SCHIP1: variants seen among roughly 807,000 people sequenced by gnomAD.
SCHIP1 encodes the protein schwannomin-interacting protein 1.
In SCHIP1, 8 loss-of-function variants were observed where a neutral mutation model predicts 29.7. That is an observed-to-expected ratio of 0.27 (90% CI 0.16 to 0.49). SCHIP1 has a LOEUF of 0.49. Among genes scored for constraint, SCHIP1 ranks in the 20% least tolerant of loss-of-function variants. The pLI, the probability that SCHIP1 is intolerant of heterozygous loss-of-function variation, is 0.99. For synonymous variants in SCHIP1, 76 were observed against 94.9 expected (o/e 0.80, Z 1.16); for missense variants, 193 against 294.6 (o/e 0.66, Z 2.52).
chr3:159,777,965 C>A, the SCHIP1 span, among the ~76,000 whole-genome samples: 1 of 151,990 alleles, frequency 6.6e-6, no homozygotes, highest in Non-Finnish European at 1.5e-5. Context: ...GGTTTATTCA[C>A]TTTTATTTAG....
chr3:159,591,766 C>CG, the SCHIP1 span, among the ~76,000 whole-genome samples: 1 of 151,332 alleles, frequency 6.6e-6, no homozygotes, highest in Non-Finnish European at 1.5e-5. Context: ...CAAGGCCTGT[C>CG]GGGGGGTTGG....
chr3:159,614,332 T>C, the SCHIP1 span, among the ~76,000 whole-genome samples: 2 of 152,238 alleles, frequency 1.3e-5, no homozygotes, highest in East Asian at 3.8e-4. Context: ...ATAATTTCTT[T>C]GGCAAAATTA....
the SCHIP1 span, among the ~76,000 whole-genome samples, chr3:159,636,984 A>G: frequency 5.3e-5 from 8 of 152,308 alleles, no homozygotes; most frequent in Non-Finnish European, 7.4e-5. Flanking sequence ...TCTCAGCTCA[A>G]TCTGAAACTG....
the SCHIP1 span, among the ~76,000 whole-genome samples, chr3:159,676,446 G>A: frequency 6.6e-6 from 1 of 152,154 alleles, no homozygotes; most frequent in Non-Finnish European, 1.5e-5. Flanking sequence ...ATGCTTTAGG[G>A]ATTCCCTGTT....
At chr3:159,570,091 G>T in the SCHIP1 span, among the ~76,000 whole-genome samples, 1 of 152,156 alleles carries the variant, frequency 6.6e-6, no homozygotes, top group Non-Finnish European at 1.5e-5. Flanking sequence ...CATTCTGTAG[G>T]TTGCCTCTTC....
exon 1 of SCHIP1, chr3:159,840,097 T>TCCGC: frequency 2.0e-6 from 3 of 1,527,482 alleles, no homozygotes; most frequent in Non-Finnish European, 2.6e-6. Flanking sequence ...GGGCGTTCTC[T>TCCGC]CCGCCCGCCG....
chr3:159,383,301 G>A, the SCHIP1 span, among the ~76,000 whole-genome samples: 1 of 151,674 alleles, frequency 6.6e-6, no homozygotes, highest in Non-Finnish European at 1.5e-5. Context: ...GTAAGGAAGG[G>A]ATCCAGTTTC....
chr3:159,457,650 A>G, the SCHIP1 span, among the ~76,000 whole-genome samples: 1 of 152,206 alleles, frequency 6.6e-6, no homozygotes, highest in East Asian at 1.9e-4. Context: ...AAAGAGAAAT[A>G]TATACAGTAG....
chr3:159,768,873 G>A, the SCHIP1 span, among the ~76,000 whole-genome samples: 2 of 151,976 alleles, frequency 1.3e-5, no homozygotes, highest in African/African-American at 4.8e-5. Flanking sequence ...AGAGGGTGAG[G>A]GGCTCTACCC....
chr3:159,818,773 T>G, the SCHIP1 span, among the ~76,000 whole-genome samples: 2 of 152,256 alleles, frequency 1.3e-5, no homozygotes, highest in Non-Finnish European at 2.9e-5. Context: ...TAGTCCATGG[T>G]CATATCACAG....
chr3:159,680,280 G>A, the SCHIP1 span, among the ~76,000 whole-genome samples: 5 of 151,590 alleles, frequency 3.3e-5, no homozygotes, highest in Non-Finnish European at 5.9e-5. Flanking sequence ...GGAGGCTGAG[G>A]TGGGCGGATC....
chr3:159,828,449 A>G, the SCHIP1 span, among the ~76,000 whole-genome samples: 1 of 133,664 alleles, frequency 7.5e-6, no homozygotes, highest in African/African-American at 3.0e-5. Flanking sequence ...ACGTATATAT[A>G]TACGTATATA....
chr3:159,276,077 T>A, the SCHIP1 span, among the ~76,000 whole-genome samples: 1 of 147,054 alleles, frequency 6.8e-6, no homozygotes. Flanking sequence ...GGCAGCTAAT[T>A]GGCGGGTGTG....
the SCHIP1 span, among the ~76,000 whole-genome samples, chr3:159,755,265 T>C: frequency 6.6e-6 from 1 of 152,128 alleles, no homozygotes; most frequent in Non-Finnish European, 1.5e-5. Context: ...AGAGGTTTAT[T>C]GGACTTACAG....
chr3:159,796,660 A>G, the SCHIP1 span, among the ~76,000 whole-genome samples: 1 of 152,226 alleles, frequency 6.6e-6, no homozygotes, highest in East Asian at 1.9e-4. Flanking sequence ...GATTTGGGGC[A>G]TAAGATGCAA....
the SCHIP1 span, among the ~76,000 whole-genome samples, chr3:159,418,514 T>C: frequency 6.6e-6 from 1 of 152,238 alleles, no homozygotes; most frequent in African/African-American, 2.4e-5. Flanking sequence ...AATGCATCTT[T>C]TTGAAAGAAT....
chr3:159,537,964 CTT>C, the SCHIP1 span, among the ~76,000 whole-genome samples: 35 of 152,106 alleles, frequency 2.3e-4, 1 homozygote, highest in Non-Finnish European at 5.9e-5. Context: ...TCATTTAACT[CTT>C]GACACAAATT....
chr3:159,743,750 T>C, the SCHIP1 span, among the ~76,000 whole-genome samples: 1 of 152,206 alleles, frequency 6.6e-6, no homozygotes, highest in African/African-American at 2.4e-5. Context: ...TCTTATATCT[T>C]GACTGTGTCG....
At chr3:159,531,646 C>A in the SCHIP1 span, among the ~76,000 whole-genome samples, 1 of 152,072 alleles carries the variant, frequency 6.6e-6, no homozygotes. Context: ...AGTCTAGAAA[C>A]CTGATCCAGA....
Sources: allele counts gnomAD v4.1 joint callset (sites outside exome capture counted in the v4.1 genomes callset), GRCh38; gene constraint gnomAD v4.1.1; transcripts MANE v1.5; gene names NCBI Gene and HGNC (gene_info 2026-07-23, HGNC 2026-07-21).